CR1: variants seen among roughly 807,000 people sequenced by gnomAD.
CR1 encodes complement C3b/C4b receptor 1 (Knops blood group), also known as complement receptor type 1.
In CR1, 116 loss-of-function variants were observed where a neutral mutation model predicts 187.3. The observed-to-expected ratio is 0.62, with a 90% CI of 0.53 to 0.72. The LOEUF (loss-of-function observed/expected upper bound fraction) is 0.72, where lower values mean the gene tolerates loss of function less well. Among genes scored for constraint, CR1 ranks in the 30% least tolerant of loss-of-function variants. The pLI is 0.00. For synonymous variants in CR1, 576 were observed against 747.1 expected, an observed-to-expected ratio of 0.77 and a Z score of 3.73; for missense variants, 1,731 against 2,110.7, an observed-to-expected ratio of 0.82 and a Z score of 3.52.
At chr1:207,603,428 C>T (rs1309518872) in intron 35 of CR1, among the ~76,000 whole-genome samples, 2 of 151,716 alleles carry the variant, frequency 1.3e-5, no homozygotes, top group Admixed American at 6.6e-5. Flanking sequence ...TTATTGAAGC[C>T]TAGGCTCTTT....
intron 4 of CR1, among the ~76,000 whole-genome samples, chr1:207,516,030 C>G (rs1336483479): frequency 6.6e-6 from 1 of 152,002 alleles, no homozygotes; most frequent in Non-Finnish European, 1.5e-5. Context: ...GCCTGGGCAG[C>G]AGAGTGAGAC....
chr1:207,580,653 G>A (rs751246841), intron 31 of CR1, 40 bp downstream of exon 31: 1 of 1,542,716 alleles, frequency 6.5e-7, no homozygotes, highest in Middle Eastern at 1.7e-4. Context: ...ACTCAGCACT[G>A]CAGAGTGACT....
chr1:207,596,618 AAAT>A (rs1047357241), intron 35 of CR1, among the ~76,000 whole-genome samples: 4 of 150,792 alleles, frequency 2.7e-5, no homozygotes, highest in Admixed American at 6.6e-5. Context: ...CTGTCTCAAA[AAAT>A]AATAATAATA....
chr1:207,577,767 A>G (rs748986613), intron 28 of CR1, 38 bp from the exon 29 acceptor site: 12 of 1,611,492 alleles, frequency 7.4e-6, no homozygotes, highest in Non-Finnish European at 1.0e-5. Flanking sequence ...ACTCTGTCCC[A>G]AGGTTTTGTT....
At chr1:207,616,098 G>T (rs1662086420) in intron 40 of CR1, among the ~76,000 whole-genome samples, 2 of 152,088 alleles carry the variant, frequency 1.3e-5, no homozygotes, top group Admixed American at 1.3e-4. Flanking sequence ...ATTTGGTATT[G>T]GTCCTGATGG....
chr1:207,575,199 TTA>T (rs1491121071), intron 27 of CR1, among the ~76,000 whole-genome samples: 1 of 88,404 alleles, frequency 1.1e-5, no homozygotes, highest in African/African-American at 5.2e-5. Flanking sequence ...TGACATAGTA[TTA>T]TACACACACA....
intron 35 of CR1, among the ~76,000 whole-genome samples, chr1:207,601,849 A>G (rs1419142655): frequency 6.7e-6 from 1 of 150,186 alleles, no homozygotes. Flanking sequence ...CATATTTTCT[A>G]TCATTCTGTG....
Position 207,618,196 on chromosome 1 carries a change from A to G in CR1, c.7015A>G (p.Ile2339Val). ...CTACCTGTTAGTGGGAAAGGGCTTC[A>G]TTTTCTGTACAGACCAGGGAATCTG... Reference protein sequence around the residue: ...PGYLLVGKGFIFCTDQGIWSQ... With the variant: ...PGYLLVGKGFVFCTDQGIWSQ... Residue 2339 changes from isoleucine to valine, a missense_variant, in exon 42 of 47, where the codon ATT (isoleucine) becomes GTT (valine). Coordinates refer to ENST00000367049, the MANE Select transcript of CR1 (RefSeq NM_000651.6). 6.2e-7 allele frequency: 1 copy of G among 1,613,766 alleles called. No homozygotes were observed. The highest frequency in any genetic ancestry group is 1.1e-5 in the South Asian group (1 of 91,072).
At chr1:207,606,178 A>AGT (rs1334182600) in intron 35 of CR1, among the ~76,000 whole-genome samples, 1 of 152,214 alleles carries the variant, frequency 6.6e-6, no homozygotes, top group East Asian at 1.9e-4. Flanking sequence ...CTCATGGTCT[A>AGT]AACTCCAGCC....
At position 207,575,630 on chromosome 1, in the gene CR1, T is replaced by A. The variant is rs201078030; in HGVS notation, c.4487T>A (p.Ile1496Asn). 50 of 1,611,838 alleles carry A rather than the reference T, an allele frequency of 3.1e-5. No homozygotes were observed. The highest frequency in any genetic ancestry group is 6.7e-5 in the Admixed American group (4 of 60,018). Residue 1496 changes from isoleucine to asparagine, a missense_variant, in exon 28 of 47, where the codon ATC becomes AAC. By Grantham distance (149) the Ile-to-Asn change is moderately radical (BLOSUM62 -3). This residue lies in a region of CR1 where 1,312 missense variants were observed against 1,379.6 expected (regional missense o/e 0.95). Transcript: ENST00000367049. Reference sequence around the variant, plus strand: ...ATTGGTCACTCATCTGCTGAATGTATCCTCTCAGGCAATACTGCCCATTGG... The same window carrying A: ...ATTGGTCACTCATCTGCTGAATGTAACCTCTCAGGCAATACTGCCCATTGG... Reference protein sequence around the residue: ...RLIGHSSAECILSGNTAHWST... With the variant: ...RLIGHSSAECNLSGNTAHWST...
At chr1:207,618,344 GATA>G in intron 42 of CR1, 97 bp downstream of exon 42, 1 of 1,139,422 alleles carries the variant, frequency 8.8e-7, no homozygotes, top group Middle Eastern at 2.9e-4. Context: ...TAATGAAAGG[GATA>G]ATATTTTTTT....
At position 207,588,717 on chromosome 1, in the gene CR1, T is replaced by C; in HGVS notation, c.5753T>C (p.Val1918Ala). ...GPPPEPFNGM[V>A]HINTDTQFGS... Reference sequence around the variant, plus strand: ...CCACCAGAACCCTTCAATGGAATGGTGCATATAAACACAGATACACAGTTT... The same window carrying C: ...CCACCAGAACCCTTCAATGGAATGGCGCATATAAACACAGATACACAGTTT... Residue 1918 changes from valine to alanine, a missense_variant, in exon 35 of 47, where the codon GTG becomes GCG. Coordinates refer to ENST00000367049, the MANE Select transcript of CR1 (RefSeq NM_000651.6). 6.2e-7 allele frequency: 1 copy of C among 1,613,186 alleles called. No individual in the cohort carries two copies. The highest frequency in any genetic ancestry group is 8.5e-7 in the Non-Finnish European group (1 of 1,179,598).
At position 207,581,994 on chromosome 1, in the gene CR1, G is replaced by T; in HGVS notation, c.5293G>T (p.Val1765Leu). ...MRSLWNNSVPVCEHIFCPNPP... is the reference protein window; with the variant it reads ...MRSLWNNSVPLCEHIFCPNPP... The stretch of plus-strand genomic sequence containing the variant: ...AAGCCTTTGGAATAACAGTGTTCCT[G>T]TGTGTGAACGTGAGTAGATGGAATA... Residue 1765 changes from valine to leucine, a missense_variant, in exon 32 of 47, where the codon GTG (valine) becomes TTG (leucine). Val to Leu is a conservative substitution (Grantham distance 32). This residue lies in a region of CR1 where 1,312 missense variants were observed against 1,379.6 expected (regional missense o/e 0.95). Transcript: ENST00000367049. The T allele has an allele frequency of 6.2e-7, 1 of 1,609,144 alleles. No homozygotes were observed. Among genetic ancestry groups the T allele is most frequent in the Non-Finnish European group, 8.5e-7 (1 of 1,175,974 alleles).
intron 35 of CR1, among the ~76,000 whole-genome samples, chr1:207,590,198 G>A (rs1177535643): frequency 2.0e-5 from 3 of 152,132 alleles, no homozygotes; most frequent in Non-Finnish European, 4.4e-5. Flanking sequence ...AAATGTTAAG[G>A]GCAGCCAGAG....
chr1:207,581,756 C>G (rs921796127), intron 31 of CR1, among the ~76,000 whole-genome samples, 162 bp from the exon 32 acceptor site: 1 of 152,104 alleles, frequency 6.6e-6, no homozygotes, highest in Non-Finnish European at 1.5e-5. Context: ...CTTCTGAGCC[C>G]GTCAATGAGA....
chr1:207,580,845 C>T (rs1477924645), intron 31 of CR1, among the ~76,000 whole-genome samples: 1 of 152,090 alleles, frequency 6.6e-6, no homozygotes, highest in Non-Finnish European at 1.5e-5. Context: ...AACAGAAATA[C>T]AGTCACCAGT....
intron 45 of CR1, among the ~76,000 whole-genome samples, chr1:207,628,594 A>T (rs1391709364): frequency 6.6e-6 from 1 of 152,212 alleles, no homozygotes; most frequent in Non-Finnish European, 1.5e-5. Flanking sequence ...AGTTGTTAGG[A>T]ATTAGGCCTT....
chr1:207,567,917 C>T lies in CR1; in HGVS notation c.4046C>T (p.Thr1349Ile), dbSNP rs1558236969. ...CCCTTTGGAAAAGCAGTAAATTACA[C>T]ATGCGACCCCCACCCAGACAGAGGG... ...VFPFGKAVNYTCDPHPDRGTS... is the reference protein window; with the variant it reads ...VFPFGKAVNYICDPHPDRGTS... Residue 1349 changes from threonine to isoleucine, a missense_variant, in exon 25 of 47, where the codon ACA (threonine) becomes ATA (isoleucine). Thr to Ile is a moderately conservative substitution (Grantham distance 89, BLOSUM62 -1). Coordinates refer to ENST00000367049, the MANE Select transcript of CR1 (RefSeq NM_000651.6). 6.2e-7 allele frequency: 1 copy of T among 1,610,742 alleles called. No homozygotes were observed. The highest frequency in any genetic ancestry group is 2.2e-5 in the East Asian group (1 of 44,872).
chr1:207,616,853 GA>G (rs1662115617), intron 41 of CR1, 51 bp downstream of exon 41: 1 of 1,590,438 alleles, frequency 6.3e-7, no homozygotes, highest in Admixed American at 1.8e-5. Flanking sequence ...ATCTAGGTAA[GA>G]ACCTCCATAT....
Sources: gnomAD v4.1 joint callset for allele counts (sites outside exome capture counted in the v4.1 genomes callset) on GRCh38, gnomAD v4.1.1 for gene constraint, gnomAD v4.1.1 regional missense constraint, MANE v1.5 for transcripts, NCBI Gene and HGNC (gene_info 2026-07-23, HGNC 2026-07-21) for gene names.